Variants in PACSIN2 observed in about 807,000 individuals in gnomAD.
The protein encoded by PACSIN2 is protein kinase C and casein kinase substrate in neurons 2.
Under a neutral mutation model 63.8 loss-of-function variants are expected in PACSIN2, and 25 were observed. The ratio of observed to expected loss-of-function variants is 0.39; its 90% CI spans 0.29 to 0.55. The LOEUF (loss-of-function observed/expected upper bound fraction) is 0.55, where lower values mean the gene tolerates loss of function less well. Among genes scored for constraint, PACSIN2 ranks in the 20% least tolerant of loss-of-function variants. The pLI is 0.62. For missense variants in PACSIN2, 518 were observed against 646.9 expected (o/e 0.80, Z 2.16); for synonymous variants, 255 against 256.2 (o/e 1.00, Z 0.05).
intron 1 of PACSIN2, among the ~76,000 whole-genome samples, chr22:42,981,483 C>CG (rs1476856291): frequency 0.01 from 189 of 18,290 alleles, 42 homozygotes; most frequent in Non-Finnish European, 0.013. Context: ...AGGGAGGCGG[C>CG]GGGGGGGGTC....
chr22:42,927,555 TTTTA>T (rs574629308), intron 1 of PACSIN2, among the ~76,000 whole-genome samples: 4 of 147,782 alleles, frequency 2.7e-5, no homozygotes, highest in African/African-American at 2.5e-5. Context: ...GGCCCCAGTC[TTTTA>T]TTTATTTATT....
At chr22:42,885,186 G>T (rs975941588) in intron 5 of PACSIN2, among the ~76,000 whole-genome samples, 2 of 152,144 alleles carry the variant, frequency 1.3e-5, no homozygotes, top group Non-Finnish European at 2.9e-5. Flanking sequence ...GAATATCCAG[G>T]GGCAGCTAGA....
chr22:42,965,662 C>CCTCT (rs1405580855), intron 1 of PACSIN2, among the ~76,000 whole-genome samples: 1 of 152,120 alleles, frequency 6.6e-6, no homozygotes, highest in African/African-American at 2.4e-5. Context: ...AATAACTGAT[C>CCTCT]CTCTACCAAT....
chr22:42,906,686 A>G (rs1931096620), intron 2 of PACSIN2, among the ~76,000 whole-genome samples: 1 of 152,234 alleles, frequency 6.6e-6, no homozygotes, highest in South Asian at 2.1e-4. Context: ...GTAGGTATAC[A>G]GTGCTCTGAA....
At chr22:42,952,580 G>T (rs1228688560) in intron 1 of PACSIN2, among the ~76,000 whole-genome samples, 4 of 151,644 alleles carry the variant, frequency 2.6e-5, no homozygotes, top group African/African-American at 9.7e-5. Flanking sequence ...GATGGTCTCA[G>T]TCTCCTGACC....
At chr22:42,960,594 A>G (rs539721945) in intron 1 of PACSIN2, among the ~76,000 whole-genome samples, 1 of 152,230 alleles carries the variant, frequency 6.6e-6, no homozygotes, top group African/African-American at 2.4e-5. Flanking sequence ...TGAGGAGAGA[A>G]AGATTTTAAA....
chr22:42,952,462 G>A (rs1042802844), intron 1 of PACSIN2, among the ~76,000 whole-genome samples: 7 of 150,496 alleles, frequency 4.7e-5, no homozygotes, highest in Non-Finnish European at 1.0e-4. Context: ...TGGTTCAAGC[G>A]ATTCTCCTGC....
At chr22:42,923,426 C>A (rs1047926003) in intron 1 of PACSIN2, among the ~76,000 whole-genome samples, 2 of 152,048 alleles carry the variant, frequency 1.3e-5, no homozygotes, top group African/African-American at 4.8e-5. Context: ...TCTCCTTCTT[C>A]TTCTTTTTTT....
At chr22:43,004,241 G>T (rs1292148991) in intron 1 of PACSIN2, among the ~76,000 whole-genome samples, 1 of 152,156 alleles carries the variant, frequency 6.6e-6, no homozygotes. Flanking sequence ...TGGATCAAGT[G>T]GAGAGAACAC....
chr22:42,908,469 G>C (rs1343730917), intron 2 of PACSIN2, among the ~76,000 whole-genome samples: 1 of 152,222 alleles, frequency 6.6e-6, no homozygotes, highest in South Asian at 2.1e-4. Flanking sequence ...GAACCAAAGA[G>C]AAGGCCTGGA....
At chr22:42,997,419 G>A (rs752132680) in intron 1 of PACSIN2, among the ~76,000 whole-genome samples, 8 of 151,852 alleles carry the variant, frequency 5.3e-5, no homozygotes, top group Non-Finnish European at 1.0e-4. Flanking sequence ...TTAGCCAGGC[G>A]TGGTGGCAGG....
intron 3 of PACSIN2, among the ~76,000 whole-genome samples, chr22:42,892,986 G>C (rs990152205): frequency 6.6e-6 from 1 of 152,176 alleles, no homozygotes; most frequent in African/African-American, 2.4e-5. Context: ...GACAGAAGGG[G>C]GTGAAACCTC....
intron 1 of PACSIN2, among the ~76,000 whole-genome samples, chr22:43,010,398 A>ATATATATATTTTTTTTTT: frequency 2.4e-4 from 30 of 126,404 alleles, no homozygotes; most frequent in Non-Finnish European, 4.3e-4. Context: ...ATATATATAT[A>ATATATATATTTTTTTTTT]TTTTTTTTTA....
chr22:42,873,600 G>A (rs1342310119), intron 10 of PACSIN2, among the ~76,000 whole-genome samples: 1 of 152,286 alleles, frequency 6.6e-6, no homozygotes, highest in Non-Finnish European at 1.5e-5. Context: ...TTTCCCACAA[G>A]TGTAGCCTAG....
At chr22:43,012,236 GCGCCTGTAATCC>G (rs1167079739) in intron 1 of PACSIN2, among the ~76,000 whole-genome samples, 7 of 150,246 alleles carry the variant, frequency 4.7e-5, no homozygotes, top group Non-Finnish European at 8.9e-5. Context: ...AAGGTGGCAG[GCGCCTGTAATCC>G]CAACTACTGA....
At chr22:43,014,491 C>T (rs1924747302) in intron 1 of PACSIN2, among the ~76,000 whole-genome samples, 1 of 151,902 alleles carries the variant, frequency 6.6e-6, no homozygotes, top group South Asian at 2.1e-4. Flanking sequence ...AGGACTAAGC[C>T]CTGCCCTCTC....
In PACSIN2 at chr22:42,878,257, G is replaced by A. The variant is rs938604703; in HGVS notation, c.1028+791C>T. ...ATCCCTGGGACAGGCACTTACTGCC[G>A]AGCCCACCTGCCCAGACAGCGTGCA... On this transcript the variant is annotated intron_variant, in intron 8 of 10. Coordinates refer to ENST00000263246, the MANE Select transcript of PACSIN2 (RefSeq NM_001184970.3). Among the ~76,000 whole-genome samples, 21 of 152,302 alleles carry A rather than the reference G, an allele frequency of 1.4e-4. 1 individual carries two copies. The highest frequency in any genetic ancestry group is 5.8e-4 in the East Asian group (3 of 5,182).
chr22:42,991,535 A>G (rs1923038987), intron 1 of PACSIN2, among the ~76,000 whole-genome samples: 1 of 152,208 alleles, frequency 6.6e-6, no homozygotes, highest in South Asian at 2.1e-4. Flanking sequence ...CCCAGAGAAG[A>G]AGGAGAGAGA....
intron 1 of PACSIN2, among the ~76,000 whole-genome samples, chr22:42,961,975 A>C (rs971313050): frequency 6.6e-6 from 1 of 152,168 alleles, no homozygotes; most frequent in Non-Finnish European, 1.5e-5. Context: ...GGCTTAGTTA[A>C]ATCCACGGCA....
Sources: allele counts gnomAD v4.1 joint callset (sites outside exome capture counted in the v4.1 genomes callset), GRCh38; gene constraint gnomAD v4.1.1; transcripts MANE v1.5; gene names NCBI Gene and HGNC (gene_info 2026-07-23, HGNC 2026-07-21).